Variants in RPL17 observed in about 807,000 individuals in gnomAD.
RPL17 encodes the protein large ribosomal subunit protein uL22.
In RPL17, 2 loss-of-function variants were observed where a neutral mutation model predicts 27.7. That is an observed-to-expected ratio of 0.07 (90% CI 0.03 to 0.23). The LOEUF (loss-of-function observed/expected upper bound fraction) is 0.23. Ranked by LOEUF, RPL17 falls within the 10% of genes least tolerant of loss-of-function variation. The pLI is 1.00. For synonymous variants in RPL17, 76 were observed against 75.5 expected (o/e 1.01, Z -0.03); for missense variants, 141 against 238.8 (o/e 0.59, Z 2.70).
At chr18:49,490,298 A>C in intron 5 of RPL17, 156 bp downstream of exon 5, 1 of 811,500 alleles carries the variant, frequency 1.2e-6, no homozygotes. Flanking sequence ...AAAAAAATAA[A>C]AGGAAATAGT....
In RPL17 at chr18:49,489,437, G is replaced by A. The variant is rs1418813369; in HGVS notation, c.429C>T (p.Pro143=). The A allele has an allele frequency of 1.2e-6, 2 of 1,609,818 alleles. No homozygotes were observed. Among genetic ancestry groups the A allele is most frequent in the Non-Finnish European group, 8.5e-7 (1 of 1,179,932 alleles). The part of the protein sequence containing the change: ...HGRINPYMSS[P]CHIEMILTEK... ...CCGTAAGGATCATCTCAATGTGGCA[G>A]GGAGAGCTCATGTATGGGTTAATCC... Residue 143 remains proline, a synonymous_variant, in exon 6 of 7, where the codon CCC becomes CCT. Coordinates refer to ENST00000580261, the MANE Select transcript of RPL17 (RefSeq NM_001035006.5).
At position 49,489,498 on chromosome 18, in the gene RPL17, G is replaced by C; in HGVS notation, c.368C>G (p.Pro123Arg). ...VIEHIQVNKA[P>R]KMRRRTYRAH... ...TCTGTAGGTCCGGCGGCGCATCTTA[G>C]GTGCTTTGTTCACTTGGATATGCTC... The change falls in exon 6 of 7, where the codon CCT becomes CGT. Residue 123 changes from proline (P) to arginine (R), a missense_variant. Around this residue, in one of 2 missense-constraint regions of RPL17, gnomAD observed 34 missense variants for 88.8 expected, o/e 0.38. Coordinates refer to ENST00000580261, the MANE Select transcript of RPL17 (RefSeq NM_001035006.5). The C allele has an allele frequency of 6.2e-7, 1 of 1,602,130 alleles. No individual in the cohort carries two copies. Among genetic ancestry groups the C allele is most frequent in the Non-Finnish European group, 8.5e-7 (1 of 1,179,900 alleles).
chr18:49,488,690 G>A, intron 6 of RPL17, 124 bp from the exon 7 acceptor site: 1 of 650,956 alleles, frequency 1.5e-6, no homozygotes, highest in South Asian at 1.8e-5. Flanking sequence ...TACTTAAATG[G>A]TAGAAATCAA....
chr18:49,488,599 A>G (rs1454650782), intron 6 of RPL17, 33 bp from the exon 7 acceptor site: 3 of 1,283,266 alleles, frequency 2.3e-6, no homozygotes, highest in Non-Finnish European at 3.4e-6. Flanking sequence ...AGTTTCTTAG[A>G]GAAAACCACA....
intron 5 of RPL17, 115 bp downstream of exon 5, chr18:49,490,339 T>TA (rs2083966678): frequency 3.5e-6 from 4 of 1,137,448 alleles, no homozygotes; most frequent in Admixed American, 2.9e-5. Context: ...GGTAGAAATT[T>TA]AAAAAATCCT....
intron 5 of RPL17, among the ~76,000 whole-genome samples, chr18:49,490,020 T>G (rs1468854354): frequency 6.6e-6 from 1 of 152,264 alleles, no homozygotes; most frequent in Non-Finnish European, 1.5e-5. Context: ...TTAAACTTTT[T>G]GAAATTTTAA....
rs1185983388 is a variant in RPL17, at chr18:49,490,642, G to A, written c.217-90C>T. Reference sequence around the variant, plus strand: ...ATTTATCTGATATCACGGTTTCTTAGGATATGGTTTATTTCACCATCAATC... The same window carrying A: ...ATTTATCTGATATCACGGTTTCTTAAGATATGGTTTATTTCACCATCAATC... On this transcript the variant is annotated intron_variant, in intron 4 of 6. Coordinates refer to ENST00000580261, the MANE Select transcript of RPL17 (RefSeq NM_001035006.5). The A allele has an allele frequency of 8.1e-6, 13 of 1,596,430 alleles. No individual in the cohort carries two copies. In the East Asian group the frequency reaches 2.9e-4, roughly 36 times the overall value.
intron 3 of RPL17, 96 bp downstream of exon 3, chr18:49,491,309 G>A (rs770138595): frequency 1.3e-6 from 2 of 1,567,114 alleles, no homozygotes; most frequent in Middle Eastern, 1.7e-4. Flanking sequence ...TAATTTTCAC[G>A]GTAAATCCAA....
At chr18:49,491,491 G>A in intron 2 of RPL17, 41 bp downstream of exon 2, 1 of 1,614,140 alleles carries the variant, frequency 6.2e-7, no homozygotes, top group Non-Finnish European at 8.5e-7. Context: ...CTTATGCCAA[G>A]CCCCAAGTAG....
At chr18:49,489,290 A>T (rs2083884818) in intron 6 of RPL17, 69 bp downstream of exon 6, 1 of 1,539,474 alleles carries the variant, frequency 6.5e-7, no homozygotes, top group African/African-American at 1.4e-5. Flanking sequence ...AAGGTGTCCT[A>T]AGATAGTCAT....
rs2084020827 is a variant in RPL17 at position 49,490,892 on chromosome 18, C to T, written c.117G>A (p.Met39Ile). 6.2e-7 allele frequency: 1 copy of T among 1,613,962 alleles called. No individual in the cohort carries two copies. The highest frequency in any genetic ancestry group is 2.2e-5 in the East Asian group (1 of 44,890). The change falls in exon 4 of 7, where the codon ATG becomes ATA. Residue 39 changes from methionine to isoleucine, a missense_variant. Around this residue, in one of 2 missense-constraint regions of RPL17, gnomAD observed 107 missense variants for 150.1 expected, o/e 0.71. Coordinates refer to ENST00000580261, the MANE Select transcript of RPL17 (RefSeq NM_001035006.5). ...GATACTTCGTGGCTTTTCGTATATG[C>T]ATACCCTTGATGGCCTGAGCAGTTT... ...TRETAQAIKGMHIRKATKYLK... is the reference protein window; with the variant it reads ...TRETAQAIKGIHIRKATKYLK...
At position 49,491,599 on chromosome 18, in the gene RPL17, A is replaced by G. The variant is rs2084083417; in HGVS notation, c.-13-15T>C. ...TCACAGATCACCTAGAGGAAAGTAC[A>G]GTGTAATTCTGTCAATACGTACTTA... On this transcript the variant is annotated splice_polypyrimidine_tract_variant and intron_variant, in intron 1 of 6. Coordinates refer to ENST00000580261, the MANE Select transcript of RPL17 (RefSeq NM_001035006.5). 9 of 1,614,000 alleles carry G rather than the reference A, an allele frequency of 5.6e-6. No individual in the cohort carries two copies. Among genetic ancestry groups the G allele is most frequent in the South Asian group, 1.1e-5 (1 of 91,090 alleles).
At position 49,489,485 on chromosome 18, in the gene RPL17, G is replaced by C; in HGVS notation, c.381C>G (p.Arg127=). Residue 127 remains arginine, a synonymous_variant, in exon 6 of 7, where the codon CGC becomes CGG. Coordinates refer to ENST00000580261, the MANE Select transcript of RPL17 (RefSeq NM_001035006.5). Reference sequence around the variant, plus strand: ...TCCGACCATGAGCTCTGTAGGTCCGGCGGCGCATCTTAGGTGCTTTGTTCA... The same window carrying C: ...TCCGACCATGAGCTCTGTAGGTCCGCCGGCGCATCTTAGGTGCTTTGTTCA... ...IQVNKAPKMR[R]RTYRAHGRIN... 1 of 1,603,626 alleles carries C rather than the reference G, an allele frequency of 6.2e-7. No homozygotes were observed. The highest frequency in any genetic ancestry group is 8.5e-7 in the Non-Finnish European group (1 of 1,179,896).
In RPL17 at chr18:49,489,341, G is replaced by A. The variant is rs183246526; in HGVS notation, c.507+18C>T. 2.9e-5 allele frequency: 46 copies of A among 1,613,338 alleles called. No individual in the cohort carries two copies. The East Asian group carries it at 6.5e-4, about 23-fold the overall frequency. ...TCTTTCTACTATCACAAACAAAACC[G>A]AGCAACTACTTATTTACCTTTTTCT... is the stretch of plus-strand genomic sequence containing the variant. On this transcript the variant is annotated intron_variant, in intron 6 of 6. Coordinates refer to ENST00000580261, the MANE Select transcript of RPL17 (RefSeq NM_001035006.5).
At chr18:49,491,279 G>T in intron 3 of RPL17, 126 bp downstream of exon 3, 1 of 1,412,154 alleles carries the variant, frequency 7.1e-7, no homozygotes. Flanking sequence ...CTAAATATAA[G>T]GTGGCTGCTC....
chr18:49,489,687 C>T, intron 5 of RPL17, 137 bp from the exon 6 acceptor site: 1 of 907,570 alleles, frequency 1.1e-6, no homozygotes, highest in Non-Finnish European at 1.6e-6. Context: ...AAAGGCAATC[C>T]TTTTATTCTG....
Position 49,490,840 on chromosome 18 carries a change from A to G in RPL17, c.169T>C (p.Cys57Arg), listed in dbSNP as rs1465680092. ...YLKDVTLQKQCVPFRRYNGGV... is the reference protein window; with the variant it reads ...YLKDVTLQKQRVPFRRYNGGV... Reference sequence around the variant, plus strand: ...CCATTGTAACGTCGGAATGGTACACACTGTTTCTGTAAAGTGACATCTTTC... The same window carrying G: ...CCATTGTAACGTCGGAATGGTACACGCTGTTTCTGTAAAGTGACATCTTTC... Residue 57 changes from cysteine to arginine, a missense_variant, in exon 4 of 7, where the codon TGT (cysteine) becomes CGT (arginine). Around this residue, in one of 2 missense-constraint regions of RPL17, gnomAD observed 107 missense variants for 150.1 expected, o/e 0.71. Transcript: ENST00000580261. 6.2e-7 allele frequency: 1 copy of G among 1,613,172 alleles called. No homozygotes were observed. Among genetic ancestry groups the G allele is most frequent in the Non-Finnish European group, 8.5e-7 (1 of 1,179,938 alleles).
chr18:49,491,674 G>C (rs1568504688), intron 1 of RPL17, 90 bp from the exon 2 acceptor site: 1 of 1,479,452 alleles, frequency 6.8e-7, no homozygotes, highest in African/African-American at 1.4e-5. Flanking sequence ...GCTGCTCAGA[G>C]AGTAGTTGTT....
In RPL17 at chr18:49,489,217, C is replaced by A. The variant is rs939535928; in HGVS notation, c.507+142G>T. On this transcript the variant is annotated intron_variant, in intron 6 of 6. Transcript: ENST00000580261. Reference sequence around the variant, plus strand: ...TATTATTAGTCAAGAAACAAACTTACAAAAGCCAAAATAAGACAGGTGAAA... The same window carrying A: ...TATTATTAGTCAAGAAACAAACTTAAAAAAGCCAAAATAAGACAGGTGAAA... The A allele has an allele frequency of 1.5e-5, 14 of 913,724 alleles. No individual in the cohort carries two copies. In the African/African-American group the frequency reaches 2.2e-4, roughly 14 times the overall value. 56.6% of individuals were successfully genotyped at this position (913,724 alleles called of 1,614,324 possible).
Sources: gnomAD v4.1 joint callset for allele counts (sites outside exome capture counted in the v4.1 genomes callset) on GRCh38, gnomAD v4.1.1 for gene constraint, gnomAD v4.1.1 regional missense constraint, MANE v1.5 for transcripts, NCBI Gene and HGNC (gene_info 2026-07-23, HGNC 2026-07-21) for gene names.